The following AFDN variants were observed in gnomAD, a reference collection of about 807,000 sequenced individuals.
The protein encoded by AFDN is afadin, adherens junction formation factor, also known as afadin.
In AFDN, 68 loss-of-function variants were observed where a neutral mutation model predicts 216.6. That is an observed-to-expected ratio of 0.31 (90% CI 0.26 to 0.38). The LOEUF is 0.38. AFDN is among the 10% of genes least tolerant of loss of function. The probability of loss-of-function intolerance (pLI) is 1.00; values close to 1 mark genes in which losing one functional copy is unlikely to be tolerated. For missense variants in AFDN, 2,136 were observed against 2,342.0 expected, an observed-to-expected ratio of 0.91 and a Z score of 1.82; for synonymous variants, 868 against 853.7, an observed-to-expected ratio of 1.02 and a Z score of -0.29.
chr6:167,948,861 G>C (rs777764591), intron 29 of AFDN, among the ~76,000 whole-genome samples: 21 of 152,248 alleles, frequency 1.4e-4, no homozygotes, highest in Non-Finnish European at 2.9e-4. Context: ...AGCATGGTCA[G>C]TGCTGTGGGA....
chr6:167,864,146 A>G (rs1333385608), intron 1 of AFDN, among the ~76,000 whole-genome samples: 1 of 152,186 alleles, frequency 6.6e-6, no homozygotes, highest in African/African-American at 2.4e-5. Flanking sequence ...GATCTGCCAC[A>G]TACCAGCTCG....
At chr6:167,893,966 A>G in intron 9 of AFDN, 60 bp downstream of exon 9, 2 of 1,233,690 alleles carry the variant, frequency 1.6e-6, no homozygotes, top group Admixed American at 2.0e-5. Flanking sequence ...TCATGGGCAG[A>G]ATAGTGTTGA....
chr6:167,875,217 T>C, intron 4 of AFDN, 118 bp from the exon 5 acceptor site: 1 of 844,828 alleles, frequency 1.2e-6, no homozygotes, highest in Non-Finnish European at 1.9e-6. Flanking sequence ...AACAGACCTC[T>C]TAGGTACAGA....
In AFDN at chr6:167,870,419, T is replaced by C; in HGVS notation, c.335T>C (p.Val112Ala). Residue 112 changes from valine to alanine, a missense_variant, in exon 3 of 34, where the codon GTT (valine) becomes GCT (alanine). Coordinates refer to ENST00000683244, the MANE Select transcript of AFDN (RefSeq NM_001386888.1). ...TTGGATATAGATGAGAAACCTCTAGTTGTACAACTGAATTGGAACAAAGAT... is the reference window on the plus strand; with the variant it reads ...TTGGATATAGATGAGAAACCTCTAGCTGTACAACTGAATTGGAACAAAGAT... ...RRLDIDEKPL[V>A]VQLNWNKDDR... The C allele has an allele frequency of 6.2e-7, 1 of 1,611,466 alleles. No individual in the cohort carries two copies. Among genetic ancestry groups the C allele is most frequent in the Non-Finnish European group, 8.5e-7 (1 of 1,178,606 alleles).
intron 1 of AFDN, among the ~76,000 whole-genome samples, chr6:167,857,627 A>G: frequency 6.6e-6 from 1 of 152,106 alleles, no homozygotes; most frequent in East Asian, 1.9e-4. Flanking sequence ...TCCAATAAAT[A>G]CATCCTTATT....
rs1797408089 is a variant in AFDN at position 167,965,142 on chromosome 6, TGA to T, written c.4969-613_4969-612del. On this transcript the variant is annotated intron_variant, in intron 31 of 33. Transcript: ENST00000683244. ...TTGTTAGATTGTTACTTTGGGAGAA[TGA>T]GTGTTTTTTTTTTTTTCTTCATTTC... 7.7e-6 allele frequency: 7 copies of T among 908,536 alleles called. No homozygotes were observed. The African/African-American group carries it at 1.1e-4, about 14-fold the overall frequency. The allele number at this position is 908,536 out of a possible 1,614,324, so 56.3% of individuals were successfully genotyped here.
At chr6:167,919,093 G>A (rs140778287) in intron 21 of AFDN, among the ~76,000 whole-genome samples, 160 bp downstream of exon 21, 162 of 152,342 alleles carry the variant, frequency 1.1e-3, no homozygotes, top group African/African-American at 3.7e-3. Flanking sequence ...ATTTCATGGT[G>A]ATGTAAGGTC....
At chr6:167,892,887 C>T (rs900643630) in intron 8 of AFDN, among the ~76,000 whole-genome samples, 2 of 152,170 alleles carry the variant, frequency 1.3e-5, no homozygotes, top group Non-Finnish European at 1.5e-5. Context: ...GCATTTGTTA[C>T]ATGGTTATTA....
At chr6:167,938,498 T>G (rs1448807947) in intron 23 of AFDN, among the ~76,000 whole-genome samples, 1 of 152,204 alleles carries the variant, frequency 6.6e-6, no homozygotes, top group African/African-American at 2.4e-5. Flanking sequence ...GTCTGAAATT[T>G]ATAATGTAAA....
At chr6:167,940,185 G>A (rs138722807) in intron 23 of AFDN, among the ~76,000 whole-genome samples, 44 of 152,312 alleles carry the variant, frequency 2.9e-4, no homozygotes, top group Middle Eastern at 3.4e-3. Context: ...ACCATCCACA[G>A]GAAAGATGGG....
chr6:167,848,555 T>C (rs1781952514), intron 1 of AFDN, among the ~76,000 whole-genome samples: 1 of 152,158 alleles, frequency 6.6e-6, no homozygotes, highest in Non-Finnish European at 1.5e-5. Flanking sequence ...AACAGTCTTG[T>C]CCATGTTTTC....
chr6:167,834,940 C>CCACTG lies in AFDN; in HGVS notation c.105+7716_105+7720dup, dbSNP rs1301535194. On this transcript the variant is annotated intron_variant, in intron 1 of 33. Coordinates refer to ENST00000683244, the MANE Select transcript of AFDN (RefSeq NM_001386888.1). ...AAGGCTGCAGTGACCTATGAAGGAG[C>CCACTG]CACTGCACTGCACTGCAGCCTGGGT... 3.3e-5 allele frequency among the ~76,000 whole-genome samples: 5 copies of CCACTG among 152,126 alleles called. No homozygotes were observed. The East Asian group carries it at 7.7e-4, about 23-fold the overall frequency.
intron 1 of AFDN, among the ~76,000 whole-genome samples, chr6:167,843,542 A>G (rs899475948): frequency 6.6e-6 from 1 of 152,222 alleles, no homozygotes; most frequent in African/African-American, 2.4e-5. Context: ...TGCACAGTGG[A>G]TAATTGAAGA....
At chr6:167,857,646 T>C (rs1056281303) in intron 1 of AFDN, among the ~76,000 whole-genome samples, 6 of 152,108 alleles carry the variant, frequency 3.9e-5, no homozygotes, top group Admixed American at 2.6e-4. Flanking sequence ...TTAATGATAA[T>C]GTAGCATTTT....
chr6:167,890,532 G>A (rs2128337565), intron 7 of AFDN, among the ~76,000 whole-genome samples: 1 of 150,826 alleles, frequency 6.6e-6, no homozygotes, highest in Non-Finnish European at 1.5e-5. Context: ...ATGTATGAAT[G>A]TATTTACTGA....
intron 1 of AFDN, among the ~76,000 whole-genome samples, chr6:167,850,527 G>A (rs1246116551): frequency 6.6e-6 from 1 of 152,118 alleles, no homozygotes; most frequent in Non-Finnish European, 1.5e-5. Context: ...TATAGTTTGA[G>A]TGTTTACTTT....
intron 5 of AFDN, among the ~76,000 whole-genome samples, chr6:167,878,958 G>A (rs964951688): frequency 2.0e-5 from 3 of 152,132 alleles, no homozygotes; most frequent in Admixed American, 2.0e-4. Context: ...GGATGCTCTC[G>A]GTCATGTTCT....
intron 4 of AFDN, 58 bp from the exon 5 acceptor site, chr6:167,875,277 T>C: frequency 6.5e-7 from 1 of 1,539,258 alleles, no homozygotes; most frequent in East Asian, 2.2e-5. Flanking sequence ...TTGCAATGTG[T>C]CTATTTCTAA....
intron 1 of AFDN, among the ~76,000 whole-genome samples, chr6:167,846,732 A>G (rs911488344): frequency 1.4e-5 from 2 of 144,952 alleles, no homozygotes; most frequent in African/African-American, 5.1e-5. Flanking sequence ...TTTTTTTTCA[A>G]TGTATCTTAG....
Sources: allele counts gnomAD v4.1 joint callset (sites outside exome capture counted in the v4.1 genomes callset), GRCh38; gene constraint gnomAD v4.1.1; transcripts MANE v1.5; gene names NCBI Gene and HGNC (gene_info 2026-07-23, HGNC 2026-07-21).